Variants in ITIH2 observed in about 807,000 individuals in gnomAD.
ITIH2 encodes inter-alpha-trypsin inhibitor heavy chain 2, also known as inter-alpha-trypsin inhibitor heavy chain H2.
A neutral mutation model predicts 104.4 loss-of-function variants in ITIH2; 103 were observed. The observed-to-expected ratio is 0.99, with a 90% CI of 0.84 to 1.16. ITIH2 has a LOEUF of 1.16. Ranked by LOEUF, ITIH2 falls within the 50% of genes most tolerant of loss-of-function variation. ITIH2 has a pLI of 0.00. For synonymous variants in ITIH2, 436 were observed against 435.4 expected, an observed-to-expected ratio of 1.00 and a Z score of -0.02; for missense variants, 1,108 against 1,162.4, an observed-to-expected ratio of 0.95 and a Z score of 0.68.
chr10:7,717,360 A>G (rs1225034323), intron 5 of ITIH2, among the ~76,000 whole-genome samples: 1 of 152,218 alleles, frequency 6.6e-6, no homozygotes, highest in Non-Finnish European at 1.5e-5. Context: ...GATAGGGGCC[A>G]ATCCCTGGTA....
At chr10:7,712,834 T>C (rs1834809261) in intron 4 of ITIH2, among the ~76,000 whole-genome samples, 1 of 152,130 alleles carries the variant, frequency 6.6e-6, no homozygotes, top group African/African-American at 2.4e-5. Flanking sequence ...AAGATTACTA[T>C]TCTGGGCCAG....
rs1310721026 is a variant in ITIH2, at chr10:7,749,280, GC to G, written c.2788del (p.His930IlefsTer21). ...ACAGTGGAAAAGGATTCATTGACGG[GC>G]ATTACAAGGATTACTTCGTGCCTCA... ...HNSGKGFIDG[H>X]YKDYFVPQLY... On this transcript the variant is annotated frameshift_variant, in exon 21 of 21. Coordinates refer to ENST00000358415, the MANE Select transcript of ITIH2 (RefSeq NM_002216.3). LOFTEE classifies it high-confidence loss of function. 6.2e-7 allele frequency: 1 copy of G among 1,614,018 alleles called. No homozygotes were observed. The highest frequency in any genetic ancestry group is 8.5e-7 in the Non-Finnish European group (1 of 1,180,012).
At chr10:7,719,918 A>T (rs1418258257) in intron 6 of ITIH2, among the ~76,000 whole-genome samples, 1 of 141,306 alleles carries the variant, frequency 7.1e-6, no homozygotes, top group Non-Finnish European at 1.5e-5. Context: ...GACATTGGAG[A>T]CTCGAAAGTG....
chr10:7,731,657 G>A (rs183270471), intron 12 of ITIH2, among the ~76,000 whole-genome samples, 154 bp from the exon 13 acceptor site: 1 of 152,062 alleles, frequency 6.6e-6, no homozygotes, highest in Admixed American at 6.5e-5. Context: ...CCCAGGAGCC[G>A]GAGATTGCAG....
chr10:7,725,841 G>C (rs1834946668), intron 9 of ITIH2, among the ~76,000 whole-genome samples: 2 of 152,168 alleles, frequency 1.3e-5, no homozygotes, highest in African/African-American at 4.8e-5. Context: ...GGAGTAGATG[G>C]ACAAGGGAGC....
intron 11 of ITIH2, among the ~76,000 whole-genome samples, chr10:7,728,886 T>A (rs1426800415): frequency 1.3e-5 from 2 of 152,196 alleles, no homozygotes; most frequent in African/African-American, 4.8e-5. Context: ...AGCAACCATC[T>A]TATTAATAAC....
intron 3 of ITIH2, among the ~76,000 whole-genome samples, chr10:7,707,940 C>T (rs1429177604): frequency 6.6e-6 from 1 of 152,128 alleles, no homozygotes; most frequent in Admixed American, 6.6e-5. Flanking sequence ...CTTTTAAACA[C>T]AAAACGGCCC....
At chr10:7,715,419 C>CAA (rs796129147) in intron 5 of ITIH2, among the ~76,000 whole-genome samples, 7 of 141,192 alleles carry the variant, frequency 5.0e-5, no homozygotes, top group African/African-American at 1.5e-4. Context: ...GATTCCTTCT[C>CAA]AAAAAAAAAA....
intron 5 of ITIH2, among the ~76,000 whole-genome samples, chr10:7,714,377 T>C (rs1189321350): frequency 6.6e-6 from 1 of 152,016 alleles, no homozygotes; most frequent in Non-Finnish European, 1.5e-5. Flanking sequence ...TTTCACCGTG[T>C]TGGCCAGGAT....
intron 16 of ITIH2, among the ~76,000 whole-genome samples, chr10:7,740,481 C>T (rs1399694631): frequency 2.6e-5 from 4 of 152,202 alleles, no homozygotes; most frequent in African/African-American, 9.7e-5. Context: ...GCCTTTCTGA[C>T]CAGCAGTTTC....
intron 15 of ITIH2, among the ~76,000 whole-genome samples, chr10:7,737,260 G>T (rs1209804336): frequency 6.6e-6 from 1 of 151,254 alleles, no homozygotes; most frequent in Non-Finnish European, 1.5e-5. Context: ...GAGTCCTGCA[G>T]AAAGTATCCA....
At chr10:7,718,771 G>T (rs761031199) in intron 6 of ITIH2, among the ~76,000 whole-genome samples, 9 of 152,124 alleles carry the variant, frequency 5.9e-5, no homozygotes, top group Non-Finnish European at 1.2e-4. Flanking sequence ...AAGTGAGAAT[G>T]TGCAGTACTT....
rs370246983 is a variant in ITIH2 at position 7,709,080 on chromosome 10, G to A, written c.251G>A (p.Arg84Gln). ...SYKVQSTITS[R>Q]MATTMIQSKV... Reference sequence around the variant, plus strand: ...AAAGTCCAGTCTACTATTACTTCTCGGATGGCCACCACCATGATCCAGAGC... The same window carrying A: ...AAAGTCCAGTCTACTATTACTTCTCAGATGGCCACCACCATGATCCAGAGC... Residue 84 changes from arginine (R) to glutamine (Q), a missense_variant, in exon 4 of 21, where the codon CGG becomes CAG. Coordinates refer to ENST00000358415, the MANE Select transcript of ITIH2 (RefSeq NM_002216.3). 37 of 1,613,840 alleles carry A rather than the reference G, an allele frequency of 2.3e-5. No individual in the cohort carries two copies. The highest frequency in any genetic ancestry group is 1.3e-4 in the African/African-American group (10 of 74,930).
intron 5 of ITIH2, among the ~76,000 whole-genome samples, chr10:7,714,394 G>A (rs1000714415): frequency 6.6e-6 from 1 of 151,806 alleles, no homozygotes; most frequent in African/African-American, 2.4e-5. Flanking sequence ...GGATGGTCTC[G>A]ATCTCCTGAC....
intron 19 of ITIH2, 111 bp downstream of exon 19, chr10:7,745,074 C>T: frequency 1.1e-6 from 1 of 920,590 alleles, no homozygotes; most frequent in Non-Finnish European, 1.7e-6. Context: ...CTCATGAGCA[C>T]AGAGGACTAA....
chr10:7,729,983 C>G lies in ITIH2; in HGVS notation c.1311C>G (p.Asn437Lys). 1 of 1,607,310 alleles carries G rather than the reference C, an allele frequency of 6.2e-7. No homozygotes were observed. Among genetic ancestry groups the G allele is most frequent in the African/African-American group, 1.3e-5 (1 of 74,730 alleles). The change falls in exon 12 of 21, where the codon AAC (asparagine) becomes AAG (lysine). Residue 437 changes from asparagine (N) to lysine (K), a missense_variant. Transcript: ENST00000358415. The stretch of plus-strand genomic sequence containing the variant: ...TAAAACTGTCAAAAATTCAGAAAAA[C>G]GTTAAGGAGAACATCCAAGACAATA... ...GELKLSKIQK[N>K]VKENIQDNIS...
intron 16 of ITIH2, among the ~76,000 whole-genome samples, chr10:7,742,068 A>G (rs899131517): frequency 8.5e-5 from 13 of 152,162 alleles, no homozygotes; most frequent in South Asian, 2.1e-4. Context: ...ACTTCATTCT[A>G]TCTTACATTC....
chr10:7,746,068 TAAAAAAAAAAAAA>T lies in ITIH2; in HGVS notation c.2582-505_2582-493del, dbSNP rs372266950. Among the ~76,000 whole-genome samples, 171 of 35,802 alleles carry T rather than the reference TAAAAAAAAAAAAA, an allele frequency of 4.8e-3. 3 individuals are homozygous for T. The highest frequency in any genetic ancestry group is 8.4e-3 in the Admixed American group (16 of 1,898). 23.5% of individuals were successfully genotyped at this position (35,802 alleles called of 152,430 possible). A position where few individuals can be genotyped will look rare whatever the true frequency, so the allele number is the denominator to read the frequency against. ...CACACCCGGCCCCAAATCTTAAATT[TAAAAAAAAAAAAA>T]AAAAAAAAAAAAAAAAAAAGGCTGT... On this transcript the variant is annotated intron_variant, in intron 19 of 20. Coordinates refer to ENST00000358415, the MANE Select transcript of ITIH2 (RefSeq NM_002216.3).
At chr10:7,744,729 G>A (rs1158181785) in intron 18 of ITIH2, 62 bp from the exon 19 acceptor site, 2 of 1,420,906 alleles carry the variant, frequency 1.4e-6, no homozygotes, top group Non-Finnish European at 1.9e-6. Flanking sequence ...GGGGTGAGAA[G>A]AATGACTTTC....
Sources: allele counts gnomAD v4.1 joint callset (sites outside exome capture counted in the v4.1 genomes callset), GRCh38; gene constraint gnomAD v4.1.1; transcripts MANE v1.5; gene names NCBI Gene and HGNC (gene_info 2026-07-23, HGNC 2026-07-21).